The following EIF2B3 variants were observed in gnomAD, a reference collection of about 807,000 sequenced individuals.
EIF2B3 encodes the protein eukaryotic translation initiation factor 2B subunit gamma.
A neutral mutation model predicts 54.1 loss-of-function variants in EIF2B3; 20 were observed. The ratio of observed to expected loss-of-function variants is 0.37; its 90% CI spans 0.26 to 0.54. The LOEUF is 0.54. EIF2B3 is among the 20% of genes least tolerant of loss of function. The pLI is 0.86. For synonymous variants in EIF2B3, 153 were observed against 188.1 expected (o/e 0.81, Z 1.52); for missense variants, 448 against 547.8 (o/e 0.82, Z 1.82).
intron 3 of EIF2B3, among the ~76,000 whole-genome samples, chr1:44,961,102 G>A (rs1304174458): frequency 6.6e-6 from 1 of 151,830 alleles, no homozygotes. Flanking sequence ...CTGGGAGGCT[G>A]AGGCAGGAGG....
At chr1:44,941,721 T>C (rs1644025105) in intron 3 of EIF2B3, 56 bp from the exon 4 acceptor site, 1 of 1,602,786 alleles carries the variant, frequency 6.2e-7, no homozygotes, top group East Asian at 2.2e-5. Context: ...ATTACACAAA[T>C]CATCACAAGA....
chr1:44,911,024 T>G (rs1033852270), intron 5 of EIF2B3, among the ~76,000 whole-genome samples: 1 of 152,148 alleles, frequency 6.6e-6, no homozygotes, highest in African/African-American at 2.4e-5. Flanking sequence ...CCTATATACA[T>G]GAAGGCCGTA....
At chr1:44,960,584 G>A (rs1162877259) in intron 3 of EIF2B3, among the ~76,000 whole-genome samples, 1 of 151,860 alleles carries the variant, frequency 6.6e-6, no homozygotes, top group Non-Finnish European at 1.5e-5. Context: ...CTTGCAGTGA[G>A]CCGAGATCGC....
chr1:44,952,929 A>AC (rs1644183511), intron 3 of EIF2B3, among the ~76,000 whole-genome samples: 1 of 152,234 alleles, frequency 6.6e-6, no homozygotes, highest in African/African-American at 2.4e-5. Context: ...TAAAAATGCC[A>AC]CAAGGGCAGG....
At chr1:44,926,258 C>G (rs553919508) in intron 5 of EIF2B3, among the ~76,000 whole-genome samples, 1 of 151,922 alleles carries the variant, frequency 6.6e-6, no homozygotes, top group Admixed American at 6.6e-5. Context: ...CAAAGCCAAA[C>G]CAAACCAAAC....
At position 44,897,338 on chromosome 1, in the gene EIF2B3, A is replaced by G. The variant is rs780596350; in HGVS notation, c.656+17T>C. On this transcript the variant is annotated intron_variant, in intron 6 of 11. Coordinates refer to ENST00000360403, the MANE Select transcript of EIF2B3 (RefSeq NM_020365.5). ...TGTTAAGTACTGTAGGTTTGACTCT[A>G]CCACCCTTTTTCTTACCCATTTTCC... 13 of 1,592,894 alleles carry G rather than the reference A, an allele frequency of 8.2e-6. No individual in the cohort carries two copies. The African/African-American group carries it at 1.7e-4, about 21-fold the overall frequency.
rs386366856 is a variant in EIF2B3, at chr1:44,965,634, CTTTTTTTTTTTT to C, written c.294+12669_294+12680del. Among the ~76,000 whole-genome samples the C allele has an allele frequency of 3.7e-3, 382 of 102,420 alleles. 5 individuals carry two copies. The highest frequency in any genetic ancestry group is 0.014 in the African/African-American group (359 of 25,414). The allele number at this position is 102,420 out of a possible 152,430, so 67.2% of individuals were successfully genotyped here. A position where few individuals can be genotyped will look rare whatever the true frequency, so the allele number is the denominator to read the frequency against. ...GGGTATCTGAGATGCACAAATGCAT[CTTTTTTTTTTTT>C]TTTTTTTTTTTGAGACGGAGTCTCA... On this transcript the variant is annotated intron_variant, in intron 3 of 11. Coordinates refer to ENST00000360403, the MANE Select transcript of EIF2B3 (RefSeq NM_020365.5).
At chr1:44,968,410 A>G (rs987322857) in intron 3 of EIF2B3, among the ~76,000 whole-genome samples, 48 of 152,048 alleles carry the variant, frequency 3.2e-4, no homozygotes, top group Non-Finnish European at 5.7e-4. Context: ...CATGAAAAGA[A>G]CTTACTACAT....
chr1:44,960,576 T>C (rs568419585), intron 3 of EIF2B3, among the ~76,000 whole-genome samples: 1 of 151,768 alleles, frequency 6.6e-6, no homozygotes, highest in South Asian at 2.1e-4. Context: ...GGGCGGAGCT[T>C]GCAGTGAGCC....
Position 44,872,494 on chromosome 1 carries a change from A to T in EIF2B3, c.1202+2184T>A, listed in dbSNP as rs144431042. On this transcript the variant is annotated intron_variant, in intron 10 of 11. Coordinates refer to ENST00000360403, the MANE Select transcript of EIF2B3 (RefSeq NM_020365.5). ...AATCCCCATCTCTATAAAATTTTTT[A>T]AAAAAATTAGCTGGGCCTGGTGGTG... 3.3e-3 allele frequency among the ~76,000 whole-genome samples: 497 copies of T among 152,094 alleles called. 3 individuals carry two copies. Among genetic ancestry groups the T allele is most frequent in the East Asian group, 0.03 (155 of 5,134 alleles).
chr1:44,883,484 T>C (rs1363811065), intron 6 of EIF2B3, among the ~76,000 whole-genome samples: 1 of 152,144 alleles, frequency 6.6e-6, no homozygotes, highest in Non-Finnish European at 1.5e-5. Context: ...GCATTTCTGA[T>C]GACTGGATGA....
chr1:44,913,556 G>A (rs552147809), intron 5 of EIF2B3, among the ~76,000 whole-genome samples: 1 of 151,826 alleles, frequency 6.6e-6, no homozygotes, highest in East Asian at 1.9e-4. Context: ...CCAGGCTAGA[G>A]TTCAGTGGCA....
intron 10 of EIF2B3, among the ~76,000 whole-genome samples, chr1:44,872,225 G>C (rs534332294): frequency 6.6e-6 from 1 of 152,184 alleles, no homozygotes; most frequent in South Asian, 2.1e-4. Flanking sequence ...TAGAGATGTG[G>C]TTTCGTCATG....
chr1:44,923,387 T>C (rs1643790197), intron 5 of EIF2B3, among the ~76,000 whole-genome samples: 1 of 152,244 alleles, frequency 6.6e-6, no homozygotes, highest in Admixed American at 6.5e-5. Context: ...TAGATAGAAA[T>C]AAGAATGTTA....
intron 3 of EIF2B3, among the ~76,000 whole-genome samples, chr1:44,974,332 G>C (rs898754877): frequency 3.3e-5 from 5 of 151,820 alleles, no homozygotes; most frequent in Non-Finnish European, 7.4e-5. Flanking sequence ...AAAAGTCCAG[G>C]TGTGGTGGTG....
chr1:44,907,124 T>A lies in EIF2B3; in HGVS notation c.567-9680A>T, dbSNP rs1345135793. On this transcript the variant is annotated intron_variant, in intron 5 of 11. Transcript: ENST00000360403. ...TCAATACCCTAGTTCAAATTACCAT[T>A]ACTTCTTACCTGGATTACTACAATA... is the stretch of plus-strand genomic sequence containing the variant. 8.5e-5 allele frequency among the ~76,000 whole-genome samples: 13 copies of A among 152,214 alleles called. No individual in the cohort carries two copies. The South Asian group carries it at 1.4e-3, about 17-fold the overall frequency.
chr1:44,943,368 C>CTATCTA (rs59247483), intron 3 of EIF2B3, among the ~76,000 whole-genome samples: 19,373 of 144,428 alleles, frequency 0.13, 1,479 homozygotes, highest in Admixed American at 0.2. Flanking sequence ...GCAGGAAGAA[C>CTATCTA]TATCTATATC....
intron 6 of EIF2B3, among the ~76,000 whole-genome samples, chr1:44,889,150 A>T (rs1379314281): frequency 6.6e-6 from 1 of 152,146 alleles, no homozygotes; most frequent in African/African-American, 2.4e-5. Flanking sequence ...TTCCCTAAGC[A>T]CCTGGGAAGT....
At chr1:44,918,002 T>C (rs1306593742) in intron 5 of EIF2B3, among the ~76,000 whole-genome samples, 2 of 150,594 alleles carry the variant, frequency 1.3e-5, no homozygotes, top group African/African-American at 2.4e-5. Context: ...CTCAATCTCC[T>C]GACCTCATGA....
Sources: allele counts gnomAD v4.1 joint callset (sites outside exome capture counted in the v4.1 genomes callset), GRCh38; gene constraint gnomAD v4.1.1; transcripts MANE v1.5; gene names NCBI Gene and HGNC (gene_info 2026-07-23, HGNC 2026-07-21).